The following TMEM150A variants were observed in gnomAD, a reference collection of about 807,000 sequenced individuals.
TMEM150A encodes the protein fasting-inducible integral membrane protein TM6P1.
A neutral mutation model predicts 29.8 loss-of-function variants in TMEM150A; 18 were observed. The ratio of observed to expected loss-of-function variants is 0.60; its 90% CI spans 0.42 to 0.90. The LOEUF (loss-of-function observed/expected upper bound fraction) is 0.90. Among genes scored for constraint, TMEM150A ranks in the 40% least tolerant of loss-of-function variants. TMEM150A has a pLI of 0.00. For synonymous variants in TMEM150A, 127 were observed against 143.6 expected, an observed-to-expected ratio of 0.88 and a Z score of 0.83; for missense variants, 251 against 349.7, an observed-to-expected ratio of 0.72 and a Z score of 2.25.
Position 85,598,591 on chromosome 2 carries a change from C to A in TMEM150A, c.*485G>T. 6.3e-6 allele frequency: 1 copy of A among 158,984 alleles called. No individual in the cohort carries two copies. The highest frequency in any genetic ancestry group is 5.9e-5 in the Admixed American group (1 of 16,982). 9.8% of individuals were successfully genotyped at this position (158,984 alleles called of 1,614,324 possible). ...AATATAAAAAAAAGTACTAAAATACCCACGTGGTTCTGCTGTGTTATTTGC... is the reference window on the plus strand; with the variant it reads ...AATATAAAAAAAAGTACTAAAATACACACGTGGTTCTGCTGTGTTATTTGC... On this transcript the variant is annotated 3_prime_UTR_variant, in exon 8 of 8. Coordinates refer to ENST00000334462, the MANE Select transcript of TMEM150A (RefSeq NM_001031738.3).
chr2:85,600,898 G>A (rs1672897547), intron 4 of TMEM150A, 123 bp downstream of exon 4: 2 of 814,866 alleles, frequency 2.5e-6, no homozygotes, highest in South Asian at 3.5e-5. Flanking sequence ...CTGTCAAGTA[G>A]TGTTGTTATT....
In TMEM150A at chr2:85,602,016, G is replaced by A; in HGVS notation, c.-68C>T. The A allele has an allele frequency of 1.5e-6, 2 of 1,365,854 alleles. No individual in the cohort carries two copies. The highest frequency in any genetic ancestry group is 2.1e-6 in the Non-Finnish European group (2 of 955,806). 84.6% of individuals were successfully genotyped at this position (1,365,854 alleles called of 1,614,324 possible). ...AAGAGGTAGATGGGGAAGTGGGGGC[G>A]GACCAGCTACCTTGAGATGTTTCTG... On this transcript the variant is annotated 5_prime_UTR_variant, in exon 2 of 8. Coordinates refer to ENST00000334462, the MANE Select transcript of TMEM150A (RefSeq NM_001031738.3). The surrounding 1 kb of genome is among the most constrained non-coding windows in gnomAD (Gnocchi z 5.6).
rs538630043 is a variant in TMEM150A, at chr2:85,600,221, G to T, written c.268+124C>A. 1.7e-5 allele frequency: 22 copies of T among 1,331,254 alleles called. No homozygotes were observed. The East Asian group carries it at 5.1e-4, about 31-fold the overall frequency. 82.5% of individuals were successfully genotyped at this position (1,331,254 alleles called of 1,614,324 possible). On this transcript the variant is annotated intron_variant, in intron 5 of 7. Coordinates refer to ENST00000334462, the MANE Select transcript of TMEM150A (RefSeq NM_001031738.3). The stretch of plus-strand genomic sequence containing the variant: ...GTCAGCTTTTGGCCTTCAAGGAAGG[G>T]GAGAAGCTGCCTCTATTGCCTTAGC...
rs1027540472 is a variant in TMEM150A, at chr2:85,601,590, G to A, written c.66-108C>T. On this transcript the variant is annotated intron_variant, in intron 2 of 7. Coordinates refer to ENST00000334462, the MANE Select transcript of TMEM150A (RefSeq NM_001031738.3). This position sits in a 1 kb window ranked among gnomAD's most constrained non-coding sequence, Gnocchi z 4.0. ...TCTGGCCCCATTCAGCCTCATTATTGTTGCTGGGGACTCAAGTTGAGGTCC... is the reference window on the plus strand; with the variant it reads ...TCTGGCCCCATTCAGCCTCATTATTATTGCTGGGGACTCAAGTTGAGGTCC... 10 of 1,333,908 alleles carry A rather than the reference G, an allele frequency of 7.5e-6. No homozygotes were observed. The African/African-American group carries it at 1.4e-4, about 19-fold the overall frequency. 82.6% of individuals were successfully genotyped at this position (1,333,908 alleles called of 1,614,324 possible). A position where few individuals can be genotyped will look rare whatever the true frequency, so the allele number is the denominator to read the frequency against.
At position 85,601,717 on chromosome 2, in the gene TMEM150A, G is replaced by T; in HGVS notation, c.65+167C>A. The T allele has an allele frequency of 1.1e-6, 1 of 917,368 alleles. No individual in the cohort carries two copies. Among genetic ancestry groups the T allele is most frequent in the Admixed American group, 2.1e-5 (1 of 46,732 alleles). The allele number at this position is 917,368 out of a possible 1,614,324, so 56.8% of individuals were successfully genotyped here. A position where few individuals can be genotyped will look rare whatever the true frequency, so the allele number is the denominator to read the frequency against. Reference sequence around the variant, plus strand: ...TATATTTGTCAGGGCCACCCTGCTGGACAGCAGTGGTGCCAGCTTGTCCCA... The same window carrying T: ...TATATTTGTCAGGGCCACCCTGCTGTACAGCAGTGGTGCCAGCTTGTCCCA... On this transcript the variant is annotated intron_variant, in intron 2 of 7. Transcript: ENST00000334462. This position sits in a 1 kb window ranked among gnomAD's most constrained non-coding sequence, Gnocchi z 4.0.
In TMEM150A at chr2:85,601,767, G is replaced by C. The variant is rs1672978799; in HGVS notation, c.65+117C>G. The C allele has an allele frequency of 8.0e-7, 1 of 1,247,636 alleles. No individual in the cohort carries two copies. The highest frequency in any genetic ancestry group is 1.9e-5 in the Admixed American group (1 of 53,146). 77.3% of individuals were successfully genotyped at this position (1,247,636 alleles called of 1,614,324 possible). A position where few individuals can be genotyped will look rare whatever the true frequency, so the allele number is the denominator to read the frequency against. On this transcript the variant is annotated intron_variant, in intron 2 of 7. Coordinates refer to ENST00000334462, the MANE Select transcript of TMEM150A (RefSeq NM_001031738.3). The surrounding 1 kb of genome is among the most constrained non-coding windows in gnomAD (Gnocchi z 4.0). ...AAGGGGCTGTGTGCCCAGGCACCAA[G>C]TCAGGCTTTTGAGACACCCAGAGTG... is the stretch of plus-strand genomic sequence containing the variant.
chr2:85,598,757 T>C lies in TMEM150A; in HGVS notation c.*319A>G, dbSNP rs1246451838. 6 of 328,518 alleles carry C rather than the reference T, an allele frequency of 1.8e-5. No homozygotes were observed. Among genetic ancestry groups the C allele is most frequent in the African/African-American group, 8.4e-5 (4 of 47,662 alleles). The allele number at this position is 328,518 out of a possible 1,614,324, so 20.4% of individuals were successfully genotyped here. Reference sequence around the variant, plus strand: ...TCTGCTGTTCCCAGCCCCCAATTCCTGCAGCAGGAAACCCCAGTGGTCTGG... The same window carrying C: ...TCTGCTGTTCCCAGCCCCCAATTCCCGCAGCAGGAAACCCCAGTGGTCTGG... On this transcript the variant is annotated 3_prime_UTR_variant, in exon 8 of 8. Transcript: ENST00000334462.
At position 85,601,253 on chromosome 2, in the gene TMEM150A, A is replaced by C; in HGVS notation, c.114-146T>G. On this transcript the variant is annotated intron_variant, in intron 3 of 7. Transcript: ENST00000334462. The surrounding 1 kb of genome is among the most constrained non-coding windows in gnomAD (Gnocchi z 4.0). The stretch of plus-strand genomic sequence containing the variant: ...CTCCCCAGTGCCCGCCTGAAGCAGT[A>C]ACCAAAGGGGCAAAGGGATAGTGGG... The C allele has an allele frequency of 8.5e-7, 1 of 1,176,166 alleles. No individual in the cohort carries two copies. Among genetic ancestry groups the C allele is most frequent in the Non-Finnish European group, 1.3e-6 (1 of 792,408 alleles). The allele number at this position is 1,176,166 out of a possible 1,614,324, so 72.9% of individuals were successfully genotyped here.
chr2:85,600,512 C>T (rs1319072210), intron 4 of TMEM150A, 100 bp from the exon 5 acceptor site: 2 of 817,480 alleles, frequency 2.4e-6, no homozygotes, highest in Non-Finnish European at 4.2e-6. Context: ...GCACCTGCTC[C>T]TTAGCAGGCA....
rs1308893151 is a variant in TMEM150A at position 85,601,571 on chromosome 2, C to T, written c.66-89G>A. 7 of 1,457,388 alleles carry T rather than the reference C, an allele frequency of 4.8e-6. No homozygotes were observed. The South Asian group carries it at 8.5e-5, about 18-fold the overall frequency. The allele number at this position is 1,457,388 out of a possible 1,614,324, so 90.3% of individuals were successfully genotyped here. On this transcript the variant is annotated intron_variant, in intron 2 of 7. Transcript: ENST00000334462. The surrounding 1 kb of genome is among the most constrained non-coding windows in gnomAD (Gnocchi z 4.0). ...CTTCTCTTCAACCTTGATTTCTGGCCCCATTCAGCCTCATTATTGTTGCTG... is the reference window on the plus strand; with the variant it reads ...CTTCTCTTCAACCTTGATTTCTGGCTCCATTCAGCCTCATTATTGTTGCTG...
Position 85,599,184 on chromosome 2 carries a change from T to C in TMEM150A, c.708A>G (p.Thr236=). 1 of 1,613,700 alleles carries C rather than the reference T, an allele frequency of 6.2e-7. No homozygotes were observed. Among genetic ancestry groups the C allele is most frequent in the Non-Finnish European group, 8.5e-7 (1 of 1,179,946 alleles). Residue 236 remains threonine (T), a synonymous_variant, in exon 8 of 8, where the codon ACA becomes ACG. Coordinates refer to ENST00000334462, the MANE Select transcript of TMEM150A (RefSeq NM_001031738.3). The surrounding 1 kb of genome is among the most constrained non-coding windows in gnomAD (Gnocchi z 6.0). Reference sequence around the variant, plus strand: ...GGGTAGGCTGCAGTGCAGCCACCAGTGTGTCTGAGGAGACTGCCCCAAACT... The same window carrying C: ...GGGTAGGCTGCAGTGCAGCCACCAGCGTGTCTGAGGAGACTGCCCCAAACT... ...SYEFGAVSSD[T]LVAALQPTPG... is the part of the protein sequence containing the mutation.
At chr2:85,600,525 C>A in intron 4 of TMEM150A, 113 bp from the exon 5 acceptor site, 1 of 750,766 alleles carries the variant, frequency 1.3e-6, no homozygotes, top group South Asian at 1.5e-5. Flanking sequence ...AGCAGGCAGG[C>A]CACTGATTTA....
At position 85,601,548 on chromosome 2, in the gene TMEM150A, T is replaced by G. The variant is rs1672960806; in HGVS notation, c.66-66A>C. 6.4e-7 allele frequency: 1 copy of G among 1,557,276 alleles called. No homozygotes were observed. Among genetic ancestry groups the G allele is most frequent in the Non-Finnish European group, 8.8e-7 (1 of 1,141,468 alleles). ...CCCACTCAACCCACCCCATGACCCT[T>G]CTCTTCAACCTTGATTTCTGGCCCC... is the stretch of plus-strand genomic sequence containing the variant. On this transcript the variant is annotated intron_variant, in intron 2 of 7. Coordinates refer to ENST00000334462, the MANE Select transcript of TMEM150A (RefSeq NM_001031738.3). This position sits in a 1 kb window ranked among gnomAD's most constrained non-coding sequence, Gnocchi z 4.0.
chr2:85,601,169 G>A lies in TMEM150A; in HGVS notation c.114-62C>T. 6.5e-7 allele frequency: 1 copy of A among 1,528,194 alleles called. No individual in the cohort carries two copies. Among genetic ancestry groups the A allele is most frequent in the South Asian group, 1.1e-5 (1 of 87,828 alleles). 94.7% of individuals were successfully genotyped at this position (1,528,194 alleles called of 1,614,324 possible). ...ACTGCCCCCAGGCCCTTGGCCTATA[G>A]CCTCAGGCCTCAAAGAGGACTCTCT... is the stretch of plus-strand genomic sequence containing the variant. On this transcript the variant is annotated intron_variant, in intron 3 of 7. Transcript: ENST00000334462. The surrounding 1 kb of genome is among the most constrained non-coding windows in gnomAD (Gnocchi z 4.0).
rs1672825073 is a variant in TMEM150A, at chr2:85,599,774, C to T, written c.397-72G>A. The T allele has an allele frequency of 1.4e-6, 2 of 1,414,186 alleles. No homozygotes were observed. The highest frequency in any genetic ancestry group is 1.9e-6 in the Non-Finnish European group (2 of 1,026,604). The allele number at this position is 1,414,186 out of a possible 1,614,324, so 87.6% of individuals were successfully genotyped here. ...TCTCCACCCCTCCTTCAATGAATCT[C>T]CTCTCTCCCTCTTCCTTCCTCTCCC... is the stretch of plus-strand genomic sequence containing the variant. On this transcript the variant is annotated intron_variant, in intron 6 of 7. Coordinates refer to ENST00000334462, the MANE Select transcript of TMEM150A (RefSeq NM_001031738.3). This position sits in a 1 kb window ranked among gnomAD's most constrained non-coding sequence, Gnocchi z 6.0.
In TMEM150A at chr2:85,601,232, C is replaced by A; in HGVS notation, c.114-125G>T. The A allele has an allele frequency of 8.4e-7, 1 of 1,191,786 alleles. No homozygotes were observed. Among genetic ancestry groups the A allele is most frequent in the Non-Finnish European group, 1.2e-6 (1 of 812,520 alleles). The allele number at this position is 1,191,786 out of a possible 1,614,324, so 73.8% of individuals were successfully genotyped here. On this transcript the variant is annotated intron_variant, in intron 3 of 7. Coordinates refer to ENST00000334462, the MANE Select transcript of TMEM150A (RefSeq NM_001031738.3). The surrounding 1 kb of genome is among the most constrained non-coding windows in gnomAD (Gnocchi z 4.0). ...CTACAGGGACAGAAGATCCCACTCC[C>A]CAGTGCCCGCCTGAAGCAGTAACCA...
chr2:85,600,067 C>G, intron 5 of TMEM150A, 49 bp from the exon 6 acceptor site: 1 of 1,601,800 alleles, frequency 6.2e-7, no homozygotes, highest in Non-Finnish European at 8.5e-7. Context: ...CTGGCCCTGC[C>G]CAGCGAGCCT....
rs1316025754 is a variant in TMEM150A, at chr2:85,601,350, G to C, written c.113+85C>G. 1.3e-6 allele frequency: 2 copies of C among 1,543,412 alleles called. No homozygotes were observed. The highest frequency in any genetic ancestry group is 1.8e-6 in the Non-Finnish European group (2 of 1,116,038). On this transcript the variant is annotated intron_variant, in intron 3 of 7. Transcript: ENST00000334462. The surrounding 1 kb of genome is among the most constrained non-coding windows in gnomAD (Gnocchi z 4.0). ...AAGAGCAGTGAGGCTCAGGGTTGCA[G>C]TCTGGCTCGTGGCAGCCTCAGGCCC...
Position 85,602,052 on chromosome 2 carries a change from C to CAGCT in TMEM150A, c.-108_-105dup. On this transcript the variant is annotated 5_prime_UTR_variant, in exon 2 of 8. Transcript: ENST00000334462. This position sits in a 1 kb window ranked among gnomAD's most constrained non-coding sequence, Gnocchi z 5.6. ...CTTGAGATGTTTCTGCCACAACCATCAGCTGTCCTGGCCTGGTGGAGAGAG... is the reference window on the plus strand; with the variant it reads ...CTTGAGATGTTTCTGCCACAACCATCAGCTAGCTGTCCTGGCCTGGTGGAGAGAG... 9.7e-7 allele frequency: 1 copy of CAGCT among 1,025,938 alleles called. No homozygotes were observed. The highest frequency in any genetic ancestry group is 1.5e-6 in the Non-Finnish European group (1 of 654,252). 63.6% of individuals were successfully genotyped at this position (1,025,938 alleles called of 1,614,324 possible). A position where few individuals can be genotyped will look rare whatever the true frequency, so the allele number is the denominator to read the frequency against.
Sources: gnomAD v4.1 joint callset for allele counts on GRCh38, gnomAD v4.1.1 for gene constraint, Gnocchi (gnomAD v3.1) non-coding constraint, MANE v1.5 for transcripts, NCBI Gene and HGNC (gene_info 2026-07-23, HGNC 2026-07-21) for gene names.